PNPT1: variants seen among roughly 807,000 people sequenced by gnomAD.
PNPT1 encodes the protein polyribonucleotide nucleotidyltransferase 1, also known as polyribonucleotide nucleotidyltransferase 1, mitochondrial.
Under a neutral mutation model 119.5 loss-of-function variants are expected in PNPT1, and 53 were observed. The ratio of observed to expected loss-of-function variants is 0.44; its 90% CI spans 0.36 to 0.56. The LOEUF is 0.56. Ranked by LOEUF, PNPT1 falls within the 20% of genes least tolerant of loss-of-function variation. The probability of loss-of-function intolerance (pLI) is 0.00; values close to 1 mark genes in which losing one functional copy is unlikely to be tolerated. For missense variants in PNPT1, 948 were observed against 938.5 expected, an observed-to-expected ratio of 1.01 and a Z score of -0.13; for synonymous variants, 357 against 322.1, an observed-to-expected ratio of 1.11 and a Z score of -1.16.
At position 55,646,226 on chromosome 2, in the gene PNPT1, AGAAT is replaced by A. The variant is rs780258355; in HGVS notation, c.1738+29_1738+32del. 4 of 1,572,458 alleles carry A rather than the reference AGAAT, an allele frequency of 2.5e-6. No individual in the cohort carries two copies. In the Admixed American group the frequency reaches 7.2e-5, roughly 28 times the overall value. On this transcript the variant is annotated intron_variant, in intron 21 of 27. Coordinates refer to ENST00000447944, the MANE Select transcript of PNPT1 (RefSeq NM_033109.5). Reference sequence around the variant, plus strand: ...ATAGTTCCCATTAGCAAAGTGGAAAAGAATGAAGGGAGAATCAAGCACACTAGCT... The same window carrying A: ...ATAGTTCCCATTAGCAAAGTGGAAAAGAAGGGAGAATCAAGCACACTAGCT...
At chr2:55,691,421 A>G (rs963270339) in intron 1 of PNPT1, among the ~76,000 whole-genome samples, 1 of 152,252 alleles carries the variant, frequency 6.6e-6, no homozygotes, top group East Asian at 1.9e-4. Flanking sequence ...TAGTCACTCA[A>G]TAAATGTTGC....
intron 18 of PNPT1, 78 bp from the exon 19 acceptor site, chr2:55,647,531 T>A (rs1035152613): frequency 7.5e-6 from 9 of 1,193,824 alleles, no homozygotes; most frequent in African/African-American, 1.6e-5. Flanking sequence ...AATTTTTTTT[T>A]TTTTTTGAGA....
chr2:55,683,605 T>A (rs1461759631), intron 5 of PNPT1, among the ~76,000 whole-genome samples, 180 bp downstream of exon 5: 1 of 135,186 alleles, frequency 7.4e-6, no homozygotes, highest in Non-Finnish European at 1.6e-5. Flanking sequence ...AAAGTGAGAC[T>A]CTGTCTCAAA....
At position 55,636,309 on chromosome 2, in the gene PNPT1, G is replaced by C; in HGVS notation, c.2280C>G (p.Val760=). ...KVLQSPATTV[V]RTLNDRSSIV... is the part of the protein sequence containing the mutation. Reference sequence around the variant, plus strand: ...TACTACTTCTGTCATTCAAAGTTCTGACCACGGTTGTAGCTGGCGACTGAA... The same window carrying C: ...TACTACTTCTGTCATTCAAAGTTCTCACCACGGTTGTAGCTGGCGACTGAA... Residue 760 remains valine (V), a synonymous_variant, in exon 28 of 28, where the codon GTC becomes GTG. Transcript: ENST00000447944. 1 of 1,613,874 alleles carries C rather than the reference G, an allele frequency of 6.2e-7. No individual in the cohort carries two copies. The highest frequency in any genetic ancestry group is 8.5e-7 in the Non-Finnish European group (1 of 1,179,894).
intron 12 of PNPT1, 26 bp from the exon 13 acceptor site, chr2:55,667,119 A>C: frequency 6.5e-7 from 1 of 1,541,544 alleles, no homozygotes; most frequent in Non-Finnish European, 9.0e-7. Context: ...AAATAAGTAC[A>C]TTAAGTAACG....
chr2:55,690,788 A>T (rs1324218705), intron 1 of PNPT1, among the ~76,000 whole-genome samples: 1 of 152,150 alleles, frequency 6.6e-6, no homozygotes, highest in Non-Finnish European at 1.5e-5. Flanking sequence ...CCTACAATAA[A>T]ATGGGTCTCC....
intron 13 of PNPT1, among the ~76,000 whole-genome samples, chr2:55,662,628 G>T (rs920536574): frequency 1.5e-4 from 23 of 152,222 alleles, no homozygotes; most frequent in African/African-American, 5.5e-4. Flanking sequence ...GAGCCAAGAT[G>T]ACACCACTGC....
intron 18 of PNPT1, among the ~76,000 whole-genome samples, chr2:55,649,782 C>A (rs1696113613): frequency 6.6e-6 from 1 of 152,176 alleles, no homozygotes; most frequent in Non-Finnish European, 1.5e-5. Context: ...ATGTCCTATT[C>A]CTAGAGAGTC....
chr2:55,667,232 G>T, intron 12 of PNPT1, 139 bp from the exon 13 acceptor site: 1 of 631,152 alleles, frequency 1.6e-6, no homozygotes, highest in Non-Finnish European at 2.8e-6. Context: ...ATAGATACTT[G>T]AGCACTATCC....
intron 25 of PNPT1, among the ~76,000 whole-genome samples, chr2:55,641,904 C>T (rs1267875940): frequency 2.7e-5 from 4 of 150,230 alleles, no homozygotes; most frequent in Admixed American, 6.7e-5. Flanking sequence ...TGCAGTGGTG[C>T]GATCTCATCT....
chr2:55,683,514 G>A (rs1697308670), intron 5 of PNPT1, among the ~76,000 whole-genome samples: 2 of 151,418 alleles, frequency 1.3e-5, no homozygotes, highest in East Asian at 1.9e-4. Flanking sequence ...TCAGGAGGCT[G>A]AGGCAGGAGA....
In PNPT1 at chr2:55,678,343, C is replaced by T. The variant is rs191833402; in HGVS notation, c.679+1339G>A. Among the ~76,000 whole-genome samples the T allele has an allele frequency of 1.1e-4, 16 of 152,262 alleles. No homozygotes were observed. The Middle Eastern group carries it at 0.014, about 129-fold the overall frequency. On this transcript the variant is annotated intron_variant, in intron 8 of 27. Coordinates refer to ENST00000447944, the MANE Select transcript of PNPT1 (RefSeq NM_033109.5). ...TACATTTTGATAGTTACTCACAGTA[C>T]GAATCCCACCTTCTGCAGGCAGAAT... is the stretch of plus-strand genomic sequence containing the variant.
chr2:55,667,995 C>A, intron 11 of PNPT1, 37 bp from the exon 12 acceptor site: 1 of 1,526,116 alleles, frequency 6.6e-7, no homozygotes, highest in Non-Finnish European at 8.8e-7. Context: ...AAGATTTTTA[C>A]TTTTTTAGGA....
intron 21 of PNPT1, 86 bp from the exon 22 acceptor site, chr2:55,645,518 C>A (rs570957381): frequency 1.7e-5 from 14 of 825,960 alleles, no homozygotes; most frequent in Non-Finnish European, 2.3e-5. Flanking sequence ...GGTATACAAT[C>A]TAAACCCTGT....
chr2:55,646,361 T>C, intron 20 of PNPT1, 39 bp from the exon 21 acceptor site: 1 of 1,598,756 alleles, frequency 6.3e-7, no homozygotes, highest in South Asian at 1.1e-5. Context: ...AAATATTGAC[T>C]CATGGCATTA....
In PNPT1 at chr2:55,687,177, G is replaced by A. The variant is rs555433556; in HGVS notation, c.222+468C>T. On this transcript the variant is annotated intron_variant, in intron 2 of 27. Coordinates refer to ENST00000447944, the MANE Select transcript of PNPT1 (RefSeq NM_033109.5). ...TGCAGTGAACCGAGATCGCGCCGCT[G>A]CACTCCAGCCTGGGCAACAGAGTGA... 2.9e-5 allele frequency among the ~76,000 whole-genome samples: 4 copies of A among 135,884 alleles called. No homozygotes were observed. In the East Asian group the frequency reaches 8.4e-4, roughly 28 times the overall value. The allele number at this position is 135,884 out of a possible 152,430, so 89.1% of individuals were successfully genotyped here.
At chr2:55,654,189 G>A (rs369602339) in intron 18 of PNPT1, among the ~76,000 whole-genome samples, 36 of 151,562 alleles carry the variant, frequency 2.4e-4, no homozygotes, top group African/African-American at 7.8e-4. Context: ...CCTGGGAGGC[G>A]GAGGTTGCAG....
intron 8 of PNPT1, among the ~76,000 whole-genome samples, chr2:55,676,424 C>A (rs533543959): frequency 1.3e-5 from 2 of 152,256 alleles, no homozygotes; most frequent in Non-Finnish European, 2.9e-5. Context: ...GATATCTTCT[C>A]ACACACAGAA....
intron 1 of PNPT1, among the ~76,000 whole-genome samples, chr2:55,691,878 A>ATATATATATATATTT (rs1326804958): frequency 2.4e-4 from 8 of 33,114 alleles, no homozygotes; most frequent in Non-Finnish European, 5.9e-5. Flanking sequence ...ATATATATAT[A>ATATATATATATATTT]TTTTTTTTTT....
Sources: allele counts gnomAD v4.1 joint callset (sites outside exome capture counted in the v4.1 genomes callset), GRCh38; gene constraint gnomAD v4.1.1; transcripts MANE v1.5; gene names NCBI Gene and HGNC (gene_info 2026-07-23, HGNC 2026-07-21).